ECD: variants seen among roughly 807,000 people sequenced by gnomAD.
ECD encodes ecdysoneless cell cycle regulator.
A neutral mutation model predicts 77.2 loss-of-function variants in ECD; 59 were observed. The ratio of observed to expected loss-of-function variants is 0.76; its 90% CI spans 0.62 to 0.95. ECD has a LOEUF of 0.95. Among genes scored for constraint, ECD ranks in the 40% least tolerant of loss-of-function variants. The pLI is 0.00. For synonymous variants in ECD, 233 were observed against 267.4 expected, an observed-to-expected ratio of 0.87 and a Z score of 1.26; for missense variants, 704 against 763.4, an observed-to-expected ratio of 0.92 and a Z score of 0.92.
chr10:73,137,808 C>T (rs1842996111), intron 12 of ECD, among the ~76,000 whole-genome samples, 195 bp downstream of exon 12: 2 of 151,500 alleles, frequency 1.3e-5, no homozygotes, highest in African/African-American at 2.4e-5. Context: ...TGAGCAGCTA[C>T]TATATATGTC....
At position 73,144,336 on chromosome 10, in the gene ECD, A is replaced by C. The variant is rs75235901; in HGVS notation, c.1127+1940T>G. On this transcript the variant is annotated intron_variant, in intron 9 of 13. Coordinates refer to ENST00000372979, the MANE Select transcript of ECD (RefSeq NM_007265.3). ...TAAACTGAGAGACAGAGAGCAGAAT[A>C]ATGGCTGGCTGGGTGCAGTGGCTCA... 7.4e-3 allele frequency among the ~76,000 whole-genome samples: 1,134 copies of C among 152,298 alleles called. 18 individuals carry two copies. The highest frequency in any genetic ancestry group is 0.026 in the African/African-American group (1,090 of 41,552).
chr10:73,145,720 C>T (rs1181946476), intron 9 of ECD, among the ~76,000 whole-genome samples: 1 of 146,410 alleles, frequency 6.8e-6, no homozygotes, highest in Non-Finnish European at 1.5e-5. Context: ...TCTCAGCTCA[C>T]GGCAACCTCC....
rs193088703 is a variant in ECD, at chr10:73,150,207, A to T, written c.913-1803T>A. Among the ~76,000 whole-genome samples the T allele has an allele frequency of 2.1e-3, 321 of 152,346 alleles. 1 individual carries two copies. Among genetic ancestry groups the T allele is most frequent in the African/African-American group, 7.1e-3 (297 of 41,586 alleles). On this transcript the variant is annotated intron_variant, in intron 7 of 13. Coordinates refer to ENST00000372979, the MANE Select transcript of ECD (RefSeq NM_007265.3). Reference sequence around the variant, plus strand: ...ACTAATGGAACAGAACAGAGCCCTCAGAAATAATGCCACATATCTACAACT... The same window carrying T: ...ACTAATGGAACAGAACAGAGCCCTCTGAAATAATGCCACATATCTACAACT...
chr10:73,139,167 T>C (rs1228793604), intron 11 of ECD, 142 bp downstream of exon 11: 3 of 735,684 alleles, frequency 4.1e-6, no homozygotes, highest in East Asian at 5.8e-5. Context: ...AAGTAAGTTA[T>C]CACTATACTA....
chr10:73,157,413 A>T (rs58021674), intron 3 of ECD, among the ~76,000 whole-genome samples: 9,059 of 151,750 alleles, frequency 0.06, 848 homozygotes, highest in African/African-American at 0.2. Flanking sequence ...TACATTTTTT[A>T]AAAAAATGTA....
At chr10:73,164,011 CT>C in intron 1 of ECD, 61 bp from the exon 2 acceptor site, 1 of 1,410,648 alleles carries the variant, frequency 7.1e-7, no homozygotes, top group Non-Finnish European at 9.9e-7. Flanking sequence ...CATCTGAACT[CT>C]TTTAGATGGT....
At position 73,139,987 on chromosome 10, in the gene ECD, ATTTG is replaced by A. The variant is rs1243259108; in HGVS notation, c.1128-254_1128-251del. Reference sequence around the variant, plus strand: ...GTACATGCCAAAACACCTGGCTCTAATTTGTTTGTTTGTTTTTAACAGAGTTTCA... The same window carrying A: ...GTACATGCCAAAACACCTGGCTCTAATTTGTTTGTTTTTAACAGAGTTTCA... On this transcript the variant is annotated intron_variant, in intron 9 of 13. Coordinates refer to ENST00000372979, the MANE Select transcript of ECD (RefSeq NM_007265.3). Among the ~76,000 whole-genome samples the A allele has an allele frequency of 5.3e-5, 8 of 151,702 alleles. No homozygotes were observed. The South Asian group carries it at 1.2e-3, about 24-fold the overall frequency.
rs148709943 is a variant in ECD at position 73,163,125 on chromosome 10, C to T, written c.205+608G>A. Among the ~76,000 whole-genome samples, 9 of 152,224 alleles carry T rather than the reference C, an allele frequency of 5.9e-5. No individual in the cohort carries two copies. In the East Asian group the frequency reaches 1.2e-3, roughly 20 times the overall value. ...TGTCCGAGTCATTCTTTGGTCTCTCCGCTCCCTCCTAGTTTAATCCTGGGT... is the reference window on the plus strand; with the variant it reads ...TGTCCGAGTCATTCTTTGGTCTCTCTGCTCCCTCCTAGTTTAATCCTGGGT... On this transcript the variant is annotated intron_variant, in intron 2 of 13. Transcript: ENST00000372979.
rs1193674546 is a variant in ECD at position 73,160,537 on chromosome 10, G to A, written c.220C>T (p.His74Tyr). The A allele has an allele frequency of 6.2e-7, 1 of 1,605,150 alleles. No individual in the cohort carries two copies. Among genetic ancestry groups the A allele is most frequent in the South Asian group, 1.1e-5 (1 of 88,716 alleles). The change falls in exon 3 of 14, where the codon CAT (histidine) becomes TAT (tyrosine). Residue 74 changes from histidine (H) to tyrosine (Y), a missense_variant. Physicochemically the swap from His to Tyr is moderately conservative, Grantham distance 83. This residue lies in a region of ECD where 559 missense variants were observed against 583.7 expected (regional missense o/e 0.96). Transcript: ENST00000372979. ...CCAAACTTTGTCACGCCAAACATATGAGCAGGAACACCTCCTAAAAACAAG... is the reference window on the plus strand; with the variant it reads ...CCAAACTTTGTCACGCCAAACATATAAGCAGGAACACCTCCTAAAAACAAG... ...YKPGKGGVPA[H>Y]MFGVTKFGDN...
At chr10:73,159,305 T>C (rs1187909617) in intron 3 of ECD, among the ~76,000 whole-genome samples, 1 of 152,256 alleles carries the variant, frequency 6.6e-6, no homozygotes, top group Non-Finnish European at 1.5e-5. Context: ...TTACCTACTT[T>C]GCTTCCTATA....
chr10:73,160,312 A>C, intron 3 of ECD, 122 bp downstream of exon 3: 1 of 600,984 alleles, frequency 1.7e-6, no homozygotes, highest in South Asian at 2.6e-5. Context: ...CACAGATACT[A>C]TTAAAATCTG....
At position 73,163,946 on chromosome 10, in the gene ECD, G is replaced by A. The variant is rs770979972; in HGVS notation, c.-9C>T. 8 of 1,612,618 alleles carry A rather than the reference G, an allele frequency of 5.0e-6. No homozygotes were observed. Among genetic ancestry groups the A allele is most frequent in the African/African-American group, 1.3e-5 (1 of 74,236 alleles). On this transcript the variant is annotated 5_prime_UTR_variant, in exon 2 of 14. Coordinates refer to ENST00000372979, the MANE Select transcript of ECD (RefSeq NM_007265.3). ...TTCATGGTTTCTTCCATTCTTCTTT[G>A]AAAACTATGTTTAAAGTTCCAAAAT...
intron 6 of ECD, among the ~76,000 whole-genome samples, chr10:73,153,730 A>T (rs1341015844): frequency 1.6e-5 from 2 of 121,430 alleles, no homozygotes; most frequent in Non-Finnish European, 3.4e-5. Flanking sequence ...TGTCTCAAAA[A>T]AAAAAAAAAA....
At chr10:73,149,223 T>C (rs560535088) in intron 7 of ECD, among the ~76,000 whole-genome samples, 20 of 152,334 alleles carry the variant, frequency 1.3e-4, no homozygotes, top group South Asian at 6.2e-4. Context: ...TCCTTGTATA[T>C]AGGTAAAATA....
intron 9 of ECD, among the ~76,000 whole-genome samples, chr10:73,143,723 GT>G (rs1263721542): frequency 1.3e-5 from 2 of 148,594 alleles, no homozygotes; most frequent in African/African-American, 5.0e-5. Flanking sequence ...GTATAATTAA[GT>G]TATCATTGAC....
chr10:73,139,725 C>T lies in ECD; in HGVS notation c.1140G>A (p.Met380Ile). The change falls in exon 10 of 14, where the codon ATG (methionine) becomes ATA (isoleucine). Residue 380 changes from methionine (M) to isoleucine (I), a missense_variant. Around this residue, in one of 3 missense-constraint regions of ECD, gnomAD observed 559 missense variants for 583.7 expected, o/e 0.96. Coordinates refer to ENST00000372979, the MANE Select transcript of ECD (RefSeq NM_007265.3). ...SVDWPESSLA[M>I]SPGEEILTLL... ...AGGTTAAGATTTCTTCACCAGGGCT[C>T]ATAGCAAGAGAACTATGAAAAATAA... 1 of 1,600,074 alleles carries T rather than the reference C, an allele frequency of 6.2e-7. No individual in the cohort carries two copies. Among genetic ancestry groups the T allele is most frequent in the South Asian group, 1.1e-5 (1 of 88,882 alleles).
Position 73,165,950 on chromosome 10 carries a change from C to T in ECD, c.-14+1916G>A, listed in dbSNP as rs1843452836. Among the ~76,000 whole-genome samples, 5 of 152,244 alleles carry T rather than the reference C, an allele frequency of 3.3e-5. No homozygotes were observed. In the South Asian group the frequency reaches 1.0e-3, roughly 32 times the overall value. The stretch of plus-strand genomic sequence containing the variant: ...ATTTTTTTTGTACCCTTTAACCATA[C>T]TCCCCCACAAACCCTCTGCAACCCT... On this transcript the variant is annotated intron_variant, in intron 1 of 13. Transcript: ENST00000372979.
intron 6 of ECD, among the ~76,000 whole-genome samples, chr10:73,152,884 CG>C (rs1015804036): frequency 6.8e-6 from 1 of 147,932 alleles, no homozygotes; most frequent in African/African-American, 2.6e-5. Flanking sequence ...CACTGCACTC[CG>C]GCCTGGGCAA....
intron 1 of ECD, among the ~76,000 whole-genome samples, chr10:73,166,336 T>C (rs556061771): frequency 6.6e-6 from 1 of 152,212 alleles, no homozygotes; most frequent in Non-Finnish European, 1.5e-5. Flanking sequence ...TTTGGGTAAA[T>C]ACCCAACAGT....
Sources: allele counts gnomAD v4.1 joint callset (sites outside exome capture counted in the v4.1 genomes callset), GRCh38; gene constraint gnomAD v4.1.1; regional missense constraint gnomAD v4.1.1; transcripts MANE v1.5; gene names NCBI Gene and HGNC (gene_info 2026-07-23, HGNC 2026-07-21).